The following TMEM232 variants were observed in gnomAD, a reference collection of about 807,000 sequenced individuals.
TMEM232 encodes the protein transmembrane protein 232.
In TMEM232, 80 loss-of-function variants were observed where a neutral mutation model predicts 78.8. The observed-to-expected ratio is 1.01, with a 90% CI of 0.85 to 1.22. The LOEUF (loss-of-function observed/expected upper bound fraction) is 1.22. TMEM232 is among the 50% of genes most tolerant of loss of function. TMEM232 has a pLI of 0.00. For synonymous variants in TMEM232, 297 were observed against 254.3 expected (o/e 1.17, Z -1.60); for missense variants, 881 against 742.2 (o/e 1.19, Z -2.17).
At chr5:110,525,360 G>A (rs757041201) in intron 12 of TMEM232, among the ~76,000 whole-genome samples, 1 of 151,938 alleles carries the variant, frequency 6.6e-6, no homozygotes, top group Non-Finnish European at 1.5e-5. Context: ...TTAGTAGAGT[G>A]CAAAATTAAT....
chr5:110,391,291 A>ATTTGTG (rs1554071701), intron 3 of TMEM232, among the ~76,000 whole-genome samples: 3 of 130,578 alleles, frequency 2.3e-5, no homozygotes, highest in East Asian at 4.9e-4. Context: ...TCCCGTTTGA[A>ATTTGTG]TGTGTGTGTG....
intron 12 of TMEM232, among the ~76,000 whole-genome samples, chr5:110,444,046 G>T (rs942001729): frequency 1.3e-5 from 2 of 152,112 alleles, no homozygotes; most frequent in Non-Finnish European, 2.9e-5. Context: ...GCTGCCTGGG[G>T]TTGGGGAAGG....
intron 12 of TMEM232, among the ~76,000 whole-genome samples, chr5:110,455,407 T>G (rs1316547817): frequency 1.3e-5 from 2 of 151,826 alleles, no homozygotes; most frequent in Non-Finnish European, 2.9e-5. Context: ...AGATGGAGTC[T>G]TGCTGTGTTG....
intron 10 of TMEM232, among the ~76,000 whole-genome samples, chr5:110,592,000 T>C (rs1398208458): frequency 6.6e-6 from 1 of 152,126 alleles, no homozygotes; most frequent in African/African-American, 2.4e-5. Flanking sequence ...CTAATGATCA[T>C]GCATGCAGGA....
At chr5:110,734,218 C>T (rs904563899) in intron 2 of TMEM232, among the ~76,000 whole-genome samples, 17 of 152,204 alleles carry the variant, frequency 1.1e-4, no homozygotes, top group Non-Finnish European at 2.5e-4. Flanking sequence ...GTGATGTTGG[C>T]TGGGTTCACC....
intron 7 of TMEM232, among the ~76,000 whole-genome samples, chr5:110,624,369 T>C (rs1469419317): frequency 6.6e-6 from 1 of 152,012 alleles, no homozygotes; most frequent in Non-Finnish European, 1.5e-5. Flanking sequence ...ATGGTGATGA[T>C]GATGATGATG....
chr5:110,605,222 C>G lies in TMEM232; in HGVS notation c.1163G>C (p.Cys388Ser). The G allele has an allele frequency of 6.4e-7, 1 of 1,551,076 alleles. No individual in the cohort carries two copies. Among genetic ancestry groups the G allele is most frequent in the Non-Finnish European group, 8.7e-7 (1 of 1,146,688 alleles). Residue 388 changes from cysteine to serine, a missense_variant, in exon 10 of 14, where the codon TGT (cysteine) becomes TCT (serine). Cys to Ser is a moderately radical substitution (Grantham distance 112, BLOSUM62 -1). Coordinates refer to ENST00000455884, the MANE Select transcript of TMEM232 (RefSeq NM_001039763.4). The part of the protein sequence containing the change: ...RKTALIGFCH[C>S]KSSQKNILYL... ...TAAAATATTTTTTTGTGAACTTTTA[C>G]AGTGACAGAAACCAATTAAAGCAGT...
intron 1 of TMEM232, among the ~76,000 whole-genome samples, chr5:110,676,723 C>T (rs1273933857): frequency 6.8e-6 from 1 of 147,688 alleles, no homozygotes; most frequent in African/African-American, 2.5e-5. Flanking sequence ...CATGCCGGAC[C>T]CTTCATCTTT....
At position 110,542,959 on chromosome 5, in the gene TMEM232, A is replaced by C. The variant is rs559399939; in HGVS notation, c.1456-14124T>G. Among the ~76,000 whole-genome samples the C allele has an allele frequency of 7.9e-5, 12 of 152,258 alleles. No individual in the cohort carries two copies. In the East Asian group the frequency reaches 1.7e-3, roughly 22 times the overall value. ...TTTAGAGGGTATTTAAACCCTAGAAAATTCTGTAACCAGGGCTCTTGAGCC... is the reference window on the plus strand; with the variant it reads ...TTTAGAGGGTATTTAAACCCTAGAACATTCTGTAACCAGGGCTCTTGAGCC... On this transcript the variant is annotated intron_variant, in intron 11 of 13. Transcript: ENST00000455884.
chr5:110,632,385 C>A (rs1785239931), intron 5 of TMEM232, among the ~76,000 whole-genome samples: 1 of 151,512 alleles, frequency 6.6e-6, no homozygotes, highest in Non-Finnish European at 1.5e-5. Flanking sequence ...TACAATAATT[C>A]CCCAGCAATA....
chr5:110,438,889 C>A (rs17132142), intron 12 of TMEM232, among the ~76,000 whole-genome samples: 5,245 of 152,164 alleles, frequency 0.034, 309 homozygotes, highest in African/African-American at 0.12. Flanking sequence ...TCCTTAGAGA[C>A]TCATTTAACT....
At chr5:110,444,650 T>C (rs1177572833) in intron 12 of TMEM232, among the ~76,000 whole-genome samples, 1 of 152,226 alleles carries the variant, frequency 6.6e-6, no homozygotes, top group Non-Finnish European at 1.5e-5. Flanking sequence ...ATGTTGTTTT[T>C]AGTTGCCACG....
chr5:110,542,813 C>T (rs184751630), intron 11 of TMEM232, among the ~76,000 whole-genome samples: 2 of 152,238 alleles, frequency 1.3e-5, no homozygotes, highest in African/African-American at 2.4e-5. Flanking sequence ...CCCTCGCTTT[C>T]TGCATGGCAG....
intron 1 of TMEM232, among the ~76,000 whole-genome samples, chr5:110,685,530 C>A (rs371947369): frequency 1.3e-5 from 2 of 152,132 alleles, no homozygotes; most frequent in South Asian, 2.1e-4. Context: ...GAATATAGAA[C>A]AATGAAACTC....
At chr5:110,682,413 A>T (rs1420456392) in intron 1 of TMEM232, among the ~76,000 whole-genome samples, 2 of 152,202 alleles carry the variant, frequency 1.3e-5, no homozygotes, top group African/African-American at 4.8e-5. Flanking sequence ...TATTTTAGAC[A>T]CCAACTATTT....
At chr5:110,605,872 T>C (rs1329289848) in intron 9 of TMEM232, among the ~76,000 whole-genome samples, 4 of 152,052 alleles carry the variant, frequency 2.6e-5, no homozygotes, top group Non-Finnish European at 5.9e-5. Flanking sequence ...CAATTCAACA[T>C]TACTTATAAT....
chr5:110,575,527 G>A (rs1283501750), intron 10 of TMEM232, among the ~76,000 whole-genome samples: 1 of 152,010 alleles, frequency 6.6e-6, no homozygotes, highest in Non-Finnish European at 1.5e-5. Context: ...GGCCAAGATG[G>A]CTGACTAGAA....
At position 110,498,664 on chromosome 5, in the gene TMEM232, A is replaced by C. The variant is rs530950862; in HGVS notation, c.1703+29924T>G. Among the ~76,000 whole-genome samples, 6 of 152,310 alleles carry C rather than the reference A, an allele frequency of 3.9e-5. No individual in the cohort carries two copies. The East Asian group carries it at 5.8e-4, about 15-fold the overall frequency. ...GTGACTTCACTTAAGGGAACACTAA[A>C]GTCTTCCCATATGCAGAATGGCTAA... On this transcript the variant is annotated intron_variant, in intron 12 of 13. Transcript: ENST00000455884.
At chr5:110,652,290 G>A (rs999189707) in intron 2 of TMEM232, among the ~76,000 whole-genome samples, 12 of 6,374 alleles carry the variant, frequency 1.9e-3, no homozygotes, top group East Asian at 6.3e-3. Context: ...AAGTGCACGC[G>A]CGCGCACACA....
Sources: allele counts gnomAD v4.1 joint callset (sites outside exome capture counted in the v4.1 genomes callset), GRCh38; gene constraint gnomAD v4.1.1; transcripts MANE v1.5; gene names NCBI Gene and HGNC (gene_info 2026-07-23, HGNC 2026-07-21).